PKIB: variants seen among roughly 807,000 people sequenced by gnomAD.
The protein encoded by PKIB is PKI-beta.
Under a neutral mutation model 4.5 loss-of-function variants are expected in PKIB, and 2 were observed. The observed-to-expected ratio is 0.44, with a 90% CI of 0.18 to 1.39. The LOEUF is 1.39. Among genes scored for constraint, PKIB ranks in the 40% most tolerant of loss-of-function variants. The probability of loss-of-function intolerance (pLI) is 0.27; values close to 1 mark genes in which losing one functional copy is unlikely to be tolerated. For synonymous variants in PKIB, 38 were observed against 36.0 expected, an observed-to-expected ratio of 1.06 and a Z score of -0.20; for missense variants, 94 against 92.6, an observed-to-expected ratio of 1.02 and a Z score of -0.06.
intron 2 of PKIB, among the ~76,000 whole-genome samples, chr6:122,645,920 T>G (rs755538857): frequency 6.6e-6 from 1 of 152,210 alleles, no homozygotes. Context: ...TGTGCTTTAC[T>G]TTATTACTGA....
At chr6:122,597,165 C>T (rs578141868) in intron 3 of PKIB, among the ~76,000 whole-genome samples, 8 of 152,300 alleles carry the variant, frequency 5.3e-5, no homozygotes, top group South Asian at 4.1e-4. Context: ...AAGTCCAGTG[C>T]GTTTGCTACT....
In PKIB at chr6:122,721,802, C is replaced by CATATAT. The variant is rs35364615; in HGVS notation, c.170-3313_170-3308dup. ...ATTTATATAAAGTAACATGTTACTA[C>CATATAT]ATATATATATATATATATGAGAAAT... On this transcript the variant is annotated intron_variant, in intron 4 of 4. Transcript: ENST00000368452. Among the ~76,000 whole-genome samples the CATATAT allele has an allele frequency of 1.3e-4, 19 of 149,046 alleles. No individual in the cohort carries two copies. In the East Asian group the frequency reaches 2.4e-3, roughly 19 times the overall value.
rs115691397 is a variant in PKIB, at chr6:122,533,370, A to G, written c.-247-52551A>G. Among the ~76,000 whole-genome samples the G allele has an allele frequency of 2.8e-3, 427 of 152,122 alleles. 2 individuals are homozygous for G. The highest frequency in any genetic ancestry group is 9.6e-3 in the African/African-American group (397 of 41,506). On this transcript the variant is annotated intron_variant, in intron 2 of 6. Coordinates refer to the PKIB transcript ENST00000392491. The stretch of plus-strand genomic sequence containing the variant: ...TTTTTTGTAGAAATGGGGTCTTGCT[A>G]TGTTGCCCAGGCTTGTGTCAAACTC...
intron 1 of PKIB, among the ~76,000 whole-genome samples, chr6:122,621,718 G>T (rs572570965): frequency 1.3e-5 from 2 of 152,204 alleles, no homozygotes; most frequent in African/African-American, 2.4e-5. Flanking sequence ...AAATTTGATA[G>T]GAAATAGATT....
At chr6:122,588,459 T>C (rs1249723328) in intron 3 of PKIB, among the ~76,000 whole-genome samples, 1 of 152,066 alleles carries the variant, frequency 6.6e-6, no homozygotes, top group Non-Finnish European at 1.5e-5. Flanking sequence ...ATAAAGAGCC[T>C]GCATTGCCAA....
At chr6:122,494,540 CA>C (rs1776025140) in intron 2 of PKIB, among the ~76,000 whole-genome samples, 1 of 152,114 alleles carries the variant, frequency 6.6e-6, no homozygotes, top group South Asian at 2.1e-4. Context: ...GGAAGATGAT[CA>C]GCAAGTTTTA....
chr6:122,518,531 G>A (rs998072791), intron 2 of PKIB, among the ~76,000 whole-genome samples: 1 of 151,986 alleles, frequency 6.6e-6, no homozygotes, highest in Non-Finnish European at 1.5e-5. Context: ...GGAGAGGAAC[G>A]ATTTGAGCTG....
chr6:122,658,920 G>C (rs917899108), intron 2 of PKIB, among the ~76,000 whole-genome samples: 1 of 150,328 alleles, frequency 6.7e-6, no homozygotes, highest in African/African-American at 2.5e-5. Flanking sequence ...GGAATATAGG[G>C]TTGAACAAAA....
intron 2 of PKIB, among the ~76,000 whole-genome samples, chr6:122,546,666 T>C (rs1772502293): frequency 6.6e-6 from 1 of 152,134 alleles, no homozygotes; most frequent in Admixed American, 6.5e-5. Flanking sequence ...TTATTTCTGG[T>C]ATATTCAGAT....
intron 2 of PKIB, among the ~76,000 whole-genome samples, chr6:122,646,311 A>G (rs1015031956): frequency 3.9e-5 from 6 of 152,240 alleles, no homozygotes; most frequent in Admixed American, 3.9e-4. Flanking sequence ...CCCCAGTTAC[A>G]TTATTTGGGA....
chr6:122,640,769 G>C (rs1475938049), intron 2 of PKIB, among the ~76,000 whole-genome samples: 1 of 152,148 alleles, frequency 6.6e-6, no homozygotes, highest in East Asian at 1.9e-4. Context: ...ACGAACTGTG[G>C]TTCACTTCTC....
chr6:122,669,338 A>G (rs1418564318), intron 2 of PKIB, among the ~76,000 whole-genome samples: 1 of 152,180 alleles, frequency 6.6e-6, no homozygotes, highest in Non-Finnish European at 1.5e-5. Context: ...GGAGCTTTAA[A>G]TGGATTTAAG....
chr6:122,492,161 TGAAAG>T (rs1250544851), intron 2 of PKIB, among the ~76,000 whole-genome samples: 6 of 152,060 alleles, frequency 3.9e-5, no homozygotes, highest in African/African-American at 1.4e-4. Flanking sequence ...ACATGTCAGT[TGAAAG>T]GATACTGATT....
intron 4 of PKIB, among the ~76,000 whole-genome samples, 199 bp downstream of exon 4, chr6:122,718,162 G>A (rs928397295): frequency 2.6e-5 from 4 of 152,090 alleles, no homozygotes; most frequent in African/African-American, 9.7e-5. Context: ...TTCTTATGCT[G>A]TGTATGTGGA....
In PKIB at chr6:122,703,006, G is replaced by A. The variant is rs181221504; in HGVS notation, c.-8-14781G>A. ...CATGACCCAAAATGTAAGAACTTGT[G>A]ACTTGTAACTTTTGTTTAAAGCCAT... On this transcript the variant is annotated intron_variant, in intron 3 of 4. Transcript: ENST00000368452. Among the ~76,000 whole-genome samples the A allele has an allele frequency of 7.2e-5, 11 of 152,158 alleles. No individual in the cohort carries two copies. The East Asian group carries it at 1.9e-3, about 27-fold the overall frequency.
intron 2 of PKIB, among the ~76,000 whole-genome samples, chr6:122,541,571 T>A (rs563737614): frequency 6.6e-6 from 1 of 152,158 alleles, no homozygotes; most frequent in East Asian, 1.9e-4. Flanking sequence ...CTGATGGGCT[T>A]CCCTTTGTGG....
At chr6:122,598,524 A>G (rs1362617851) in intron 3 of PKIB, among the ~76,000 whole-genome samples, 1 of 152,210 alleles carries the variant, frequency 6.6e-6, no homozygotes, top group Non-Finnish European at 1.5e-5. Flanking sequence ...TAGATCTGAC[A>G]TACAGAGAAG....
chr6:122,580,371 G>T (rs1773668426), intron 2 of PKIB, among the ~76,000 whole-genome samples: 1 of 152,110 alleles, frequency 6.6e-6, no homozygotes, highest in African/African-American at 2.4e-5. Context: ...GGCATCTAAT[G>T]ATGTTATTTG....
chr6:122,487,849 T>G (rs1343073267), intron 2 of PKIB, among the ~76,000 whole-genome samples: 1 of 152,200 alleles, frequency 6.6e-6, no homozygotes, highest in Non-Finnish European at 1.5e-5. Flanking sequence ...GACAGGGATA[T>G]GAGAGAAGCG....
Sources: allele counts gnomAD v4.1 joint callset (sites outside exome capture counted in the v4.1 genomes callset), GRCh38; gene constraint gnomAD v4.1.1; transcripts MANE v1.5; gene names NCBI Gene and HGNC (gene_info 2026-07-23, HGNC 2026-07-21).